The following CCDC170 variants were observed in gnomAD, a reference collection of about 807,000 sequenced individuals.
CCDC170 encodes coiled-coil domain-containing protein 170.
In CCDC170, 69 loss-of-function variants were observed where a neutral mutation model predicts 72.6. The ratio of observed to expected loss-of-function variants is 0.95; its 90% CI spans 0.78 to 1.16. The LOEUF is 1.16. Among genes scored for constraint, CCDC170 ranks in the 50% most tolerant of loss-of-function variants. CCDC170 has a pLI of 0.00. For synonymous variants in CCDC170, 300 were observed against 303.9 expected (o/e 0.99, Z 0.13); for missense variants, 852 against 832.5 (o/e 1.02, Z -0.29).
intron 4 of CCDC170, among the ~76,000 whole-genome samples, chr6:151,546,711 C>G (rs978096020): frequency 3.9e-5 from 6 of 152,224 alleles, no homozygotes; most frequent in Admixed American, 2.0e-4. Context: ...CTCTGCTTTG[C>G]TTATTCCTTC....
chr6:151,539,644 C>T (rs138399160), intron 3 of CCDC170, among the ~76,000 whole-genome samples: 31 of 152,284 alleles, frequency 2.0e-4, no homozygotes, highest in African/African-American at 6.0e-4. Flanking sequence ...AGTTTCATGG[C>T]TTTAAGAATC....
chr6:151,496,829 A>G (rs1781918366), intron 1 of CCDC170, among the ~76,000 whole-genome samples: 1 of 152,242 alleles, frequency 6.6e-6, no homozygotes, highest in South Asian at 2.1e-4. Flanking sequence ...TTCTTCTAAA[A>G]CATGGAATCA....
rs181045345 is a variant in CCDC170, at chr6:151,578,858, C to G, written c.1092+5367C>G. 3.3e-4 allele frequency among the ~76,000 whole-genome samples: 51 copies of G among 152,242 alleles called. No individual in the cohort carries two copies. In the East Asian group the frequency reaches 6.4e-3, roughly 19 times the overall value. The stretch of plus-strand genomic sequence containing the variant: ...TGGACTTTAAGTGACCCAAATGGCT[C>G]TTTCTTCAGTGTAGAACTTTTTGGC... On this transcript the variant is annotated intron_variant, in intron 6 of 10. Coordinates refer to ENST00000239374, the MANE Select transcript of CCDC170 (RefSeq NM_025059.4).
In CCDC170 at chr6:151,536,183, C is replaced by A. The variant is rs537055045; in HGVS notation, c.58-135C>A. 7.5e-5 allele frequency: 77 copies of A among 1,031,124 alleles called. No individual in the cohort carries two copies. In the African/African-American group the frequency reaches 1.1e-3, roughly 15 times the overall value. 63.9% of individuals were successfully genotyped at this position (1,031,124 alleles called of 1,614,324 possible). A position where few individuals can be genotyped will look rare whatever the true frequency, so the allele number is the denominator to read the frequency against. On this transcript the variant is annotated intron_variant, in intron 1 of 10. Coordinates refer to ENST00000239374, the MANE Select transcript of CCDC170 (RefSeq NM_025059.4). ...AGAACCAAATGGTCTGAACATAACACTTCTCTGCGTAGCATGTTTGACATA... is the reference window on the plus strand; with the variant it reads ...AGAACCAAATGGTCTGAACATAACAATTCTCTGCGTAGCATGTTTGACATA...
chr6:151,537,885 T>C (rs1435341564), intron 2 of CCDC170, among the ~76,000 whole-genome samples, 160 bp from the exon 3 acceptor site: 2 of 152,192 alleles, frequency 1.3e-5, no homozygotes, highest in Admixed American at 6.5e-5. Context: ...GCATAATTTC[T>C]CATTTGGTAA....
intron 5 of CCDC170, among the ~76,000 whole-genome samples, chr6:151,567,133 G>A (rs1776149296): frequency 6.6e-6 from 1 of 152,104 alleles, no homozygotes; most frequent in Admixed American, 6.5e-5. Context: ...TGGTCAGGCT[G>A]ATCTTGAACT....
At chr6:151,556,422 T>C (rs1443035183) in intron 5 of CCDC170, among the ~76,000 whole-genome samples, 1 of 152,224 alleles carries the variant, frequency 6.6e-6, no homozygotes, top group Non-Finnish European at 1.5e-5. Context: ...GCCACTGCAC[T>C]CTAGCCTGGG....
At chr6:151,589,450 C>T (rs1776502316) in intron 7 of CCDC170, among the ~76,000 whole-genome samples, 1 of 152,164 alleles carries the variant, frequency 6.6e-6, no homozygotes, top group African/African-American at 2.4e-5. Context: ...TCTCCTGCTT[C>T]AGTCATGGTG....
chr6:151,517,591 C>A (rs982017611), intron 1 of CCDC170, among the ~76,000 whole-genome samples: 1 of 151,946 alleles, frequency 6.6e-6, no homozygotes, highest in Non-Finnish European at 1.5e-5. Flanking sequence ...CAACACCATG[C>A]CTGGCTAATT....
Position 151,596,546 on chromosome 6 carries a change from A to G in CCDC170, c.1679A>G (p.Lys560Arg), listed in dbSNP as rs1239273879. 1 of 1,614,012 alleles carries G rather than the reference A, an allele frequency of 6.2e-7. No homozygotes were observed. Among genetic ancestry groups the G allele is most frequent in the African/African-American group, 1.3e-5 (1 of 74,924 alleles). The change falls in exon 9 of 11, where the codon AAA (lysine) becomes AGA (arginine). Residue 560 changes from lysine (K) to arginine (R), a missense_variant. Physicochemically the swap from Lys to Arg is conservative, Grantham distance 26. Coordinates refer to ENST00000239374, the MANE Select transcript of CCDC170 (RefSeq NM_025059.4). Reference sequence around the variant, plus strand: ...TGTCGAGACTTGCACACCGAGCTCAAAGCCAAACTGGCCGACACCAATGAA... The same window carrying G: ...TGTCGAGACTTGCACACCGAGCTCAGAGCCAAACTGGCCGACACCAATGAA... ...NTCRDLHTEL[K>R]AKLADTNELK...
intron 3 of CCDC170, among the ~76,000 whole-genome samples, chr6:151,542,148 A>G (rs1782701613): frequency 1.3e-5 from 2 of 151,978 alleles, no homozygotes. Context: ...CCAAAGTGTT[A>G]GGATTATAGA....
At position 151,499,583 on chromosome 6, in the gene CCDC170, G is replaced by A. The variant is rs574798931; in HGVS notation, c.57+5398G>A. On this transcript the variant is annotated intron_variant, in intron 1 of 10. Transcript: ENST00000239374. ...TACTGTATTTGACTATTCTAGGCAC[G>A]CTGTATAAGTGGAATCAGACCGTAT... Among the ~76,000 whole-genome samples the A allele has an allele frequency of 2.9e-3, 301 of 102,302 alleles. 23 individuals carry two copies. The highest frequency in any genetic ancestry group is 0.022 in the Admixed American group (247 of 11,206). 67.1% of individuals were successfully genotyped at this position (102,302 alleles called of 152,430 possible).
At chr6:151,536,091 A>G (rs960043255) in intron 1 of CCDC170, among the ~76,000 whole-genome samples, 6 of 152,040 alleles carry the variant, frequency 3.9e-5, no homozygotes, top group Non-Finnish European at 7.4e-5. Context: ...AAACCTCATC[A>G]CCATCCTGGA....
At chr6:151,502,365 A>G (rs933795407) in intron 1 of CCDC170, among the ~76,000 whole-genome samples, 8 of 152,358 alleles carry the variant, frequency 5.3e-5, no homozygotes, top group Non-Finnish European at 8.8e-5. Flanking sequence ...TCAGTCTCAT[A>G]AAAATAAATA....
intron 8 of CCDC170, 131 bp downstream of exon 8, chr6:151,593,411 A>T (rs1415056979): frequency 1.0e-6 from 1 of 957,368 alleles, no homozygotes; most frequent in Admixed American, 2.8e-5. Context: ...TGTATTTAGA[A>T]TTGGAGGCTC....
intron 1 of CCDC170, among the ~76,000 whole-genome samples, chr6:151,519,684 G>T (rs1200586904): frequency 6.6e-6 from 1 of 152,168 alleles, no homozygotes; most frequent in Admixed American, 6.5e-5. Flanking sequence ...TCCGTTCGGG[G>T]TTCCTGACTT....
chr6:151,506,233 G>A (rs939453883), intron 1 of CCDC170, among the ~76,000 whole-genome samples: 4 of 152,168 alleles, frequency 2.6e-5, no homozygotes, highest in Non-Finnish European at 5.9e-5. Flanking sequence ...GGAATGAATT[G>A]ACTTATTACG....
intron 10 of CCDC170, among the ~76,000 whole-genome samples, chr6:151,616,670 C>CA (rs898138333): frequency 1.3e-5 from 2 of 152,112 alleles, no homozygotes; most frequent in African/African-American, 4.8e-5. Context: ...GCTGCTGTAA[C>CA]AAAGTACCAT....
At chr6:151,510,004 T>C (rs1376143568) in intron 1 of CCDC170, among the ~76,000 whole-genome samples, 1 of 152,154 alleles carries the variant, frequency 6.6e-6, no homozygotes, top group Non-Finnish European at 1.5e-5. Context: ...GCGCCTGTAA[T>C]CCCAGCTACT....
Sources: gnomAD v4.1 joint callset for allele counts (sites outside exome capture counted in the v4.1 genomes callset) on GRCh38, gnomAD v4.1.1 for gene constraint, MANE v1.5 for transcripts, NCBI Gene and HGNC (gene_info 2026-07-23, HGNC 2026-07-21) for gene names.